The following SEC14L1 variants were observed in gnomAD, a reference collection of about 807,000 sequenced individuals.
The protein encoded by SEC14L1 is SEC14 like lipid binding 1.
In SEC14L1, 48 loss-of-function variants were observed where a neutral mutation model predicts 85.3. That is an observed-to-expected ratio of 0.56 (90% CI 0.45 to 0.72). The LOEUF (loss-of-function observed/expected upper bound fraction) is 0.72, where lower values mean the gene tolerates loss of function less well. Among genes scored for constraint, SEC14L1 ranks in the 30% least tolerant of loss-of-function variants. SEC14L1 has a pLI of 0.00. For synonymous variants in SEC14L1, 391 were observed against 355.5 expected, an observed-to-expected ratio of 1.10 and a Z score of -1.12; for missense variants, 682 against 921.4, an observed-to-expected ratio of 0.74 and a Z score of 3.36.
intron 3 of SEC14L1, among the ~76,000 whole-genome samples, chr17:77,186,763 C>A (rs1438035653): frequency 1.3e-5 from 2 of 152,172 alleles, no homozygotes; most frequent in Non-Finnish European, 2.9e-5. Flanking sequence ...TTCAGAAGGG[C>A]AGTCCTGTTG....
At chr17:77,109,649 A>G (rs942836494) in intron 3 of SEC14L1, among the ~76,000 whole-genome samples, 1 of 152,064 alleles carries the variant, frequency 6.6e-6, no homozygotes, top group African/African-American at 2.4e-5. Context: ...TTTGTTTAAC[A>G]CTCTGAAAGA....
chr17:77,099,403 C>T (rs1055316747), intron 3 of SEC14L1, among the ~76,000 whole-genome samples: 2 of 152,142 alleles, frequency 1.3e-5, no homozygotes, highest in African/African-American at 4.8e-5. Flanking sequence ...CAGTTGTCAT[C>T]TTCTATCAGG....
rs1033134139 is a variant in SEC14L1, at chr17:77,214,161, G to A, written c.*138G>A. 8 of 1,430,838 alleles carry A rather than the reference G, an allele frequency of 5.6e-6. No individual in the cohort carries two copies. The African/African-American group carries it at 8.6e-5, about 15-fold the overall frequency. 88.6% of individuals were successfully genotyped at this position (1,430,838 alleles called of 1,614,324 possible). On this transcript the variant is annotated 3_prime_UTR_variant, in exon 17 of 17. Transcript: ENST00000436233. ...AGCAAATAGCTCTCAGATGGTAAAC[G>A]TAGTCGTTTGATCCCAAAACTACCT...
At position 77,206,502 on chromosome 17, in the gene SEC14L1, A is replaced by G. The variant is rs78693553; in HGVS notation, c.1341+102A>G. On this transcript the variant is annotated intron_variant, in intron 12 of 16. Coordinates refer to ENST00000436233, the MANE Select transcript of SEC14L1 (RefSeq NM_001143998.2). This position sits in a 1 kb window ranked among gnomAD's most constrained non-coding sequence, Gnocchi z 4.3. Reference sequence around the variant, plus strand: ...TGACCTAAAGTCTTAACTTCTTAGGAAAAAAAACAATAACATGCAAAGATA... The same window carrying G: ...TGACCTAAAGTCTTAACTTCTTAGGGAAAAAAACAATAACATGCAAAGATA... 21,736 of 1,376,978 alleles carry G rather than the reference A, an allele frequency of 0.016. 272 individuals are homozygous for G. The highest frequency in any genetic ancestry group is 0.049 in the South Asian group (3,457 of 70,380). 85.3% of individuals were successfully genotyped at this position (1,376,978 alleles called of 1,614,324 possible).
At position 77,203,575 on chromosome 17, in the gene SEC14L1, C is replaced by T. The variant is rs770517600; in HGVS notation, c.1015C>T (p.Arg339Trp). 6.8e-6 allele frequency: 11 copies of T among 1,613,192 alleles called. No homozygotes were observed. Among genetic ancestry groups the T allele is most frequent in the Admixed American group, 1.7e-5 (1 of 59,828 alleles). Reference sequence around the variant, plus strand: ...TTCCTTCCCCTCCTCTGCAGATGGGCGGCCCCTCTACGTGCTCAGGCTGGG... The same window carrying T: ...TTCCTTCCCCTCCTCTGCAGATGGGTGGCCCCTCTACGTGCTCAGGCTGGG... Reference protein sequence around the residue: ...GGWHHHDKDGRPLYVLRLGQM... With the variant: ...GGWHHHDKDGWPLYVLRLGQM... Residue 339 changes from arginine to tryptophan, a missense_variant, in exon 10 of 17, where the codon CGG becomes TGG. Around this residue, in one of 3 missense-constraint regions of SEC14L1, gnomAD observed 420 missense variants for 619.5 expected, o/e 0.68. Transcript: ENST00000436233.
At chr17:77,106,457 G>A (rs1339538141) in intron 3 of SEC14L1, among the ~76,000 whole-genome samples, 2 of 151,390 alleles carry the variant, frequency 1.3e-5, no homozygotes, top group South Asian at 2.1e-4. Context: ...GCTTGAACCC[G>A]GGAGGCGGAG....
chr17:77,208,351 A>AT (rs1976572938), intron 13 of SEC14L1, among the ~76,000 whole-genome samples: 1 of 152,180 alleles, frequency 6.6e-6, no homozygotes, highest in Non-Finnish European at 1.5e-5. Context: ...TCCTTTCATG[A>AT]TATGAGCTAG....
chr17:77,106,128 T>G (rs1971909058), intron 3 of SEC14L1, among the ~76,000 whole-genome samples: 1 of 152,298 alleles, frequency 6.6e-6, no homozygotes, highest in Admixed American at 6.5e-5. Flanking sequence ...GCATGGTGGC[T>G]CTCGCCTGTA....
At chr17:77,140,890 G>C (rs1972972990), upstream of SEC14L1, 4 of 138,010 alleles carry the variant, frequency 2.9e-5, no homozygotes, top group Admixed American at 2.9e-4. Context: ...CCGCGCACGC[G>C]CGCCCCTCCC....
At chr17:77,110,817 G>T (rs1449949441) in intron 3 of SEC14L1, among the ~76,000 whole-genome samples, 6 of 146,264 alleles carry the variant, frequency 4.1e-5, no homozygotes, top group Non-Finnish European at 7.4e-5. Flanking sequence ...CCGGGAGTTT[G>T]CAGTGAGCCA....
chr17:77,154,140 T>A (rs1402319504), intron 3 of SEC14L1, among the ~76,000 whole-genome samples: 1 of 152,166 alleles, frequency 6.6e-6, no homozygotes, highest in Non-Finnish European at 1.5e-5. Context: ...GCATTTACAT[T>A]GTATTTGGTA....
intron 1 of SEC14L1, among the ~76,000 whole-genome samples, chr17:77,142,134 A>C (rs990728993): frequency 6.6e-6 from 1 of 152,106 alleles, no homozygotes; most frequent in African/African-American, 2.4e-5. Flanking sequence ...AGGGAAGTCA[A>C]ATGGCTTACT....
intron 3 of SEC14L1, among the ~76,000 whole-genome samples, chr17:77,106,866 T>C (rs1024071029): frequency 6.6e-6 from 1 of 152,044 alleles, no homozygotes; most frequent in Non-Finnish European, 1.5e-5. Context: ...AATTATTTGG[T>C]TCTCAGGAGA....
intron 3 of SEC14L1, chr17:77,144,597 G>A (rs1973195320): frequency 6.6e-6 from 1 of 152,064 alleles, no homozygotes; most frequent in African/African-American, 2.4e-5. Context: ...TACATGACAG[G>A]GTTTGTTTTA....
intron 3 of SEC14L1, among the ~76,000 whole-genome samples, chr17:77,121,869 T>C (rs1436419594): frequency 6.6e-6 from 1 of 152,114 alleles, no homozygotes; most frequent in Non-Finnish European, 1.5e-5. Context: ...CAGAAAAGAG[T>C]GGACCCTCCT....
chr17:77,205,494 G>A (rs905783806), intron 11 of SEC14L1, 148 bp downstream of exon 11: 25 of 736,564 alleles, frequency 3.4e-5, no homozygotes, highest in Non-Finnish European at 5.1e-5. Context: ...TGCCAGTGAC[G>A]AGGGACAGAC....
intron 9 of SEC14L1, among the ~76,000 whole-genome samples, chr17:77,202,163 C>G (rs367975412): frequency 6.6e-6 from 1 of 152,256 alleles, no homozygotes; most frequent in African/African-American, 2.4e-5. Context: ...TCCTCTCAGG[C>G]GGCACCCATT....
intron 5 of SEC14L1, 125 bp downstream of exon 5, chr17:77,191,437 C>T: frequency 2.0e-6 from 2 of 1,019,384 alleles, no homozygotes; most frequent in Non-Finnish European, 3.0e-6. Context: ...GATGTTGTCA[C>T]TCATTTCTCA....
At chr17:77,108,254 A>G (rs1424991001) in intron 3 of SEC14L1, among the ~76,000 whole-genome samples, 1 of 152,188 alleles carries the variant, frequency 6.6e-6, no homozygotes, top group East Asian at 1.9e-4. Context: ...TTCCCCATCC[A>G]GAGTCCCGAG....
Sources: gnomAD v4.1 joint callset for allele counts (sites outside exome capture counted in the v4.1 genomes callset) on GRCh38, gnomAD v4.1.1 for gene constraint, gnomAD v4.1.1 regional missense constraint, Gnocchi (gnomAD v3.1) non-coding constraint, MANE v1.5 for transcripts, NCBI Gene and HGNC (gene_info 2026-07-23, HGNC 2026-07-21) for gene names.